The following PTCD2 variants were observed in gnomAD, a reference collection of about 807,000 sequenced individuals.
PTCD2 encodes pentatricopeptide repeat-containing protein 2, mitochondrial.
Under a neutral mutation model 42.6 loss-of-function variants are expected in PTCD2, and 31 were observed. That is an observed-to-expected ratio of 0.73 (90% CI 0.55 to 0.98). PTCD2 has a LOEUF of 0.98. Ranked by LOEUF, PTCD2 falls within the 50% of genes least tolerant of loss-of-function variation. The probability of loss-of-function intolerance (pLI) is 0.00; values close to 1 mark genes in which losing one functional copy is unlikely to be tolerated. For synonymous variants in PTCD2, 183 were observed against 170.9 expected (o/e 1.07, Z -0.55); for missense variants, 476 against 454.8 (o/e 1.05, Z -0.42).
At chr5:72,345,078 G>A (rs937697999) in intron 8 of PTCD2, among the ~76,000 whole-genome samples, 2 of 152,168 alleles carry the variant, frequency 1.3e-5, no homozygotes, top group African/African-American at 4.8e-5. Flanking sequence ...ATAAGCCTGG[G>A]AGCGCTACGG....
chr5:72,348,784 T>C (rs1326702013), intron 8 of PTCD2, among the ~76,000 whole-genome samples: 1 of 152,270 alleles, frequency 6.6e-6, no homozygotes, highest in Non-Finnish European at 1.5e-5. Context: ...CATTTTGGAA[T>C]TGAATTTACC....
intron 1 of PTCD2, 30 bp from the exon 2 acceptor site, chr5:72,322,142 A>G: frequency 2.5e-6 from 3 of 1,188,776 alleles, no homozygotes; most frequent in South Asian, 1.2e-5. Context: ...AGTCAAAATG[A>G]CTTTACTTTT....
At chr5:72,339,721 T>TTTTTTTTTTCGCTCTGTCGCCC (rs1554065367) in intron 7 of PTCD2, among the ~76,000 whole-genome samples, 1 of 151,790 alleles carries the variant, frequency 6.6e-6, no homozygotes, top group Admixed American at 6.5e-5. Context: ...TTTCTTTATT[T>TTTTTTTTTTCGCTCTGTCGCCC]ATGTCTAAGT....
At chr5:72,357,540 G>C (rs1202264931) in intron 9 of PTCD2, among the ~76,000 whole-genome samples, 1 of 152,000 alleles carries the variant, frequency 6.6e-6, no homozygotes, top group Admixed American at 6.6e-5. Flanking sequence ...ATGCTCTGAT[G>C]GCTTTTTTAG....
chr5:72,333,632 C>T (rs888246808), intron 4 of PTCD2, among the ~76,000 whole-genome samples: 3 of 152,100 alleles, frequency 2.0e-5, no homozygotes, highest in African/African-American at 7.2e-5. Flanking sequence ...AGATGTTGGT[C>T]AAAGGATACA....
chr5:72,358,548 A>G lies in PTCD2; in HGVS notation c.*121A>G. The stretch of plus-strand genomic sequence containing the variant: ...TGCTGACACTTGGTCTTCTCCTGAA[A>G]TTCCCAAATTCACTGAATGGTACCA... On this transcript the variant is annotated 3_prime_UTR_variant, in exon 10 of 10. Coordinates refer to ENST00000380639, the MANE Select transcript of PTCD2 (RefSeq NM_024754.5). The G allele has an allele frequency of 2.9e-6, 2 of 701,204 alleles. No homozygotes were observed. The highest frequency in any genetic ancestry group is 3.9e-4 in the Middle Eastern group (1 of 2,546). The allele number at this position is 701,204 out of a possible 1,614,324, so 43.4% of individuals were successfully genotyped here.
chr5:72,341,253 A>G (rs1752043007), intron 7 of PTCD2, among the ~76,000 whole-genome samples: 1 of 152,138 alleles, frequency 6.6e-6, no homozygotes, highest in Non-Finnish European at 1.5e-5. Context: ...CATATTGGCC[A>G]GGCTGGTCTT....
At position 72,322,276 on chromosome 5, in the gene PTCD2, T is replaced by C; in HGVS notation, c.220+12T>C. 6.8e-7 allele frequency: 1 copy of C among 1,462,140 alleles called. No individual in the cohort carries two copies. The highest frequency in any genetic ancestry group is 1.1e-5 in the South Asian group (1 of 87,180). The allele number at this position is 1,462,140 out of a possible 1,614,324, so 90.6% of individuals were successfully genotyped here. ...TTCTGGCACTAAAGGTAATAGAATC[T>C]ATTTTGTTAATTCTGTCATTTATCT... On this transcript the variant is annotated intron_variant, in intron 2 of 9. Transcript: ENST00000380639.
At chr5:72,336,142 G>T (rs1429378071) in intron 6 of PTCD2, among the ~76,000 whole-genome samples, 1 of 151,968 alleles carries the variant, frequency 6.6e-6, no homozygotes, top group African/African-American at 2.4e-5. Context: ...AATGTGTTGG[G>T]TTCAGGCTCT....
intron 8 of PTCD2, among the ~76,000 whole-genome samples, chr5:72,345,645 A>G (rs928981703): frequency 6.6e-6 from 1 of 152,258 alleles, no homozygotes; most frequent in African/African-American, 2.4e-5. Flanking sequence ...AATCTTCACA[A>G]TTTATTTTCT....
chr5:72,342,509 T>C (rs1752123808), intron 7 of PTCD2, among the ~76,000 whole-genome samples: 1 of 152,226 alleles, frequency 6.6e-6, no homozygotes, highest in South Asian at 2.1e-4. Flanking sequence ...TGTACTGTTG[T>C]AGATTCTTTG....
At chr5:72,357,621 C>G (rs766870563) in intron 9 of PTCD2, among the ~76,000 whole-genome samples, 3 of 152,152 alleles carry the variant, frequency 2.0e-5, no homozygotes, top group East Asian at 1.9e-4. Context: ...TCCTCCTGCT[C>G]TAATCATTAC....
intron 8 of PTCD2, among the ~76,000 whole-genome samples, chr5:72,345,602 G>T (rs866287791): frequency 1.3e-5 from 2 of 152,148 alleles, no homozygotes; most frequent in African/African-American, 4.8e-5. Context: ...AATTATAAAC[G>T]TATTAATTTG....
chr5:72,324,571 C>T (rs1008421422), intron 2 of PTCD2, among the ~76,000 whole-genome samples: 3 of 152,184 alleles, frequency 2.0e-5, no homozygotes, highest in Non-Finnish European at 4.4e-5. Flanking sequence ...TGGTACCCCT[C>T]CACTTTCACC....
chr5:72,361,746 C>T lies in PTCD2; in HGVS notation c.*3319C>T, dbSNP rs1753099281. 1 of 152,364 alleles carries T rather than the reference C, an allele frequency of 6.6e-6. No individual in the cohort carries two copies. Among genetic ancestry groups the T allele is most frequent in the African/African-American group, 2.4e-5 (1 of 41,470 alleles). The allele number at this position is 152,364 out of a possible 1,614,324, so 9.4% of individuals were successfully genotyped here. A position where few individuals can be genotyped will look rare whatever the true frequency, so the allele number is the denominator to read the frequency against. Reference sequence around the variant, plus strand: ...CATGGTTTAGAAGGTCCTTCCTAATCTGGCCCACATTTGTCCATCCAGCTC... The same window carrying T: ...CATGGTTTAGAAGGTCCTTCCTAATTTGGCCCACATTTGTCCATCCAGCTC... On this transcript the variant is annotated 3_prime_UTR_variant, in exon 10 of 10. Coordinates refer to ENST00000380639, the MANE Select transcript of PTCD2 (RefSeq NM_024754.5).
intron 8 of PTCD2, among the ~76,000 whole-genome samples, chr5:72,349,786 T>G (rs1219196376): frequency 2.0e-5 from 3 of 152,228 alleles, no homozygotes; most frequent in Non-Finnish European, 4.4e-5. Flanking sequence ...TGAGACTGGT[T>G]TGAGATAAGC....
intron 3 of PTCD2, among the ~76,000 whole-genome samples, chr5:72,329,172 C>T (rs1056386781): frequency 1.3e-5 from 2 of 152,160 alleles, no homozygotes; most frequent in African/African-American, 4.8e-5. Flanking sequence ...CAAAGTATGA[C>T]TTAGTTCCTT....
rs7734699 is a variant in PTCD2, at chr5:72,358,931, A to G, written c.*504A>G. The G allele has an allele frequency of 0.061, 9,677 of 158,232 alleles. 551 individuals are homozygous for G. Among genetic ancestry groups the G allele is most frequent in the African/African-American group, 0.15 (6,338 of 41,584 alleles). 9.8% of individuals were successfully genotyped at this position (158,232 alleles called of 1,614,324 possible). ...CCCTTATTTTTCCATCTGCAAAACA[A>G]TAATGCCTATGTGTCTTTGCATATA... On this transcript the variant is annotated 3_prime_UTR_variant, in exon 10 of 10. Transcript: ENST00000380639.
At chr5:72,320,801 T>C in intron 1 of PTCD2, 1 of 311,334 alleles carries the variant, frequency 3.2e-6, no homozygotes. Flanking sequence ...GGGTGACTTT[T>C]ATTTATTTAT....
Sources: gnomAD v4.1 joint callset for allele counts (sites outside exome capture counted in the v4.1 genomes callset) on GRCh38, gnomAD v4.1.1 for gene constraint, MANE v1.5 for transcripts, NCBI Gene and HGNC (gene_info 2026-07-23, HGNC 2026-07-21) for gene names.